Variants in ROBO2 observed in about 807,000 individuals in gnomAD.
ROBO2 encodes roundabout guidance receptor 2.
A neutral mutation model predicts 160.8 loss-of-function variants in ROBO2; 53 were observed. The observed-to-expected ratio is 0.33, with a 90% CI of 0.26 to 0.41. ROBO2 has a LOEUF of 0.41. ROBO2 is among the 10% of genes least tolerant of loss of function. The pLI, the probability that ROBO2 is intolerant of heterozygous loss-of-function variation, is 1.00. For missense variants in ROBO2, 1,577 were observed against 1,722.4 expected (o/e 0.92, Z 1.49); for synonymous variants, 664 against 611.7 (o/e 1.09, Z -1.26).
At chr3:76,218,289 C>A (rs953998343) in intron 2 of ROBO2, among the ~76,000 whole-genome samples, 92 of 152,280 alleles carry the variant, frequency 6.0e-4, no homozygotes, top group African/African-American at 2.0e-3. Flanking sequence ...TCCTATTCCA[C>A]CTAGTGTTGA....
intron 2 of ROBO2, among the ~76,000 whole-genome samples, chr3:77,248,070 G>A (rs2089935238): frequency 6.6e-6 from 1 of 152,100 alleles, no homozygotes; most frequent in Non-Finnish European, 1.5e-5. Context: ...GCAGCTGAAT[G>A]TCAGAGACTG....
At chr3:76,074,636 A>G (rs115089032) in intron 2 of ROBO2, among the ~76,000 whole-genome samples, 1,946 of 152,338 alleles carry the variant, frequency 0.013, 16 homozygotes, top group Middle Eastern at 0.02. Context: ...ATTAAGTGAG[A>G]TGGATCCATA....
intron 2 of ROBO2, among the ~76,000 whole-genome samples, chr3:76,117,762 T>C (rs2070539055): frequency 6.6e-6 from 1 of 152,192 alleles, no homozygotes; most frequent in South Asian, 2.1e-4. Context: ...GGGAGACAGA[T>C]GTTGAATATA....
intron 2 of ROBO2, among the ~76,000 whole-genome samples, chr3:76,632,713 C>T (rs897006958): frequency 4.6e-5 from 7 of 152,118 alleles, no homozygotes; most frequent in African/African-American, 1.7e-4. Flanking sequence ...GTAGATTTCT[C>T]ATTTAACGAA....
intron 2 of ROBO2, among the ~76,000 whole-genome samples, chr3:76,954,610 A>G (rs2079139115): frequency 6.6e-6 from 1 of 152,226 alleles, no homozygotes. Context: ...GAAAATAAAC[A>G]AGGGCATGTT....
intron 2 of ROBO2, among the ~76,000 whole-genome samples, chr3:76,331,362 A>G (rs2073469945): frequency 1.3e-5 from 2 of 152,170 alleles, no homozygotes; most frequent in African/African-American, 4.8e-5. Flanking sequence ...CTTATTTTTT[A>G]TATATAACAA....
At chr3:77,498,293 A>G (rs959412754) in intron 5 of ROBO2, among the ~76,000 whole-genome samples, 1 of 152,218 alleles carries the variant, frequency 6.6e-6, no homozygotes, top group African/African-American at 2.4e-5. Context: ...AGCTTGTCAG[A>G]AGAAAAAGGA....
chr3:76,450,123 C>T lies in ROBO2; in HGVS notation c.109+512521C>T, dbSNP rs1389199731. Among the ~76,000 whole-genome samples, 3 of 152,236 alleles carry T rather than the reference C, an allele frequency of 2.0e-5. No homozygotes were observed. The East Asian group carries it at 5.8e-4, about 29-fold the overall frequency. On this transcript the variant is annotated intron_variant, in intron 2 of 26. Coordinates refer to the ROBO2 transcript ENST00000487694. ...GAAGAAGAGTAGGTAGTTCTCCTTA[C>T]AAGTATTCTTAGCCCTGTGGTTTTA...
At chr3:77,563,529 A>G (rs555959043) in intron 11 of ROBO2, among the ~76,000 whole-genome samples, 200 bp downstream of exon 12, 10 of 152,278 alleles carry the variant, frequency 6.6e-5, no homozygotes, top group Non-Finnish European at 1.0e-4. Context: ...TTAAATATGC[A>G]TTATTCATGC....
At chr3:75,966,459 T>C (rs1484891093) in intron 2 of ROBO2, among the ~76,000 whole-genome samples, 2 of 151,748 alleles carry the variant, frequency 1.3e-5, no homozygotes, top group African/African-American at 4.8e-5. Flanking sequence ...CCTATTTTTC[T>C]GGGCTTCCAT....
At chr3:77,135,642 C>A (rs1400882021) in intron 2 of ROBO2, among the ~76,000 whole-genome samples, 1 of 151,750 alleles carries the variant, frequency 6.6e-6, no homozygotes, top group African/African-American at 2.4e-5. Context: ...CTCCTGGAAT[C>A]CGGCAATCTT....
chr3:77,269,827 T>A (rs913658552), intron 2 of ROBO2, among the ~76,000 whole-genome samples: 14 of 152,112 alleles, frequency 9.2e-5, no homozygotes, highest in African/African-American at 3.1e-4. Flanking sequence ...TGAGAAAAAC[T>A]TTTCTCTCTT....
intron 23 of ROBO2, chr3:77,629,535 C>T (rs1471960172): frequency 6.6e-6 from 1 of 152,150 alleles, no homozygotes; most frequent in Non-Finnish European, 1.5e-5. Flanking sequence ...GGAAAAGTTA[C>T]ACTCCAAAGA....
At chr3:76,603,691 C>A (rs2087418680) in intron 2 of ROBO2, among the ~76,000 whole-genome samples, 1 of 151,858 alleles carries the variant, frequency 6.6e-6, no homozygotes, top group Non-Finnish European at 1.5e-5. Flanking sequence ...GTTATTCCAT[C>A]TGGAATGCTA....
At chr3:77,115,235 A>G (rs1005788122) in intron 2 of ROBO2, among the ~76,000 whole-genome samples, 3 of 152,168 alleles carry the variant, frequency 2.0e-5, no homozygotes, top group Admixed American at 6.5e-5. Context: ...TAAAAATACT[A>G]CACATGTAAG....
intron 2 of ROBO2, among the ~76,000 whole-genome samples, chr3:77,161,052 T>G (rs7431408): frequency 0.41 from 62,216 of 151,890 alleles, 13,256 homozygotes; most frequent in Middle Eastern, 0.54. Flanking sequence ...ACTCCAGTGG[T>G]TTGAAAGAAG....
rs551468863 is a variant in ROBO2, at chr3:76,130,120, T to C, written c.109+192518T>C. Among the ~76,000 whole-genome samples, 4 of 152,202 alleles carry C rather than the reference T, an allele frequency of 2.6e-5. No homozygotes were observed. In the South Asian group the frequency reaches 8.3e-4, roughly 32 times the overall value. On this transcript the variant is annotated intron_variant, in intron 2 of 26. Coordinates refer to the ROBO2 transcript ENST00000487694. ...AAAAGGATGTGGAGAGATGGGAATT[T>C]TCATATATACTGGGTAATATATATG...
At chr3:75,924,687 T>TTC (rs1451289911) in intron 1 of ROBO2, among the ~76,000 whole-genome samples, 11 of 113,754 alleles carry the variant, frequency 9.7e-5, no homozygotes, top group African/African-American at 1.7e-4. Flanking sequence ...TTTTCTTTTT[T>TTC]TTTTTTTTTT....
At chr3:76,026,284 A>C (rs1019556900) in intron 2 of ROBO2, among the ~76,000 whole-genome samples, 1 of 151,930 alleles carries the variant, frequency 6.6e-6, no homozygotes. Flanking sequence ...TTTTTGGTCT[A>C]TGCAAGGCAT....
Sources: gnomAD v4.1 joint callset for allele counts (sites outside exome capture counted in the v4.1 genomes callset) on GRCh38, gnomAD v4.1.1 for gene constraint, MANE v1.5 for transcripts, NCBI Gene and HGNC (gene_info 2026-07-23, HGNC 2026-07-21) for gene names.